Variants in AKR7A3 observed in about 807,000 individuals in gnomAD.
AKR7A3 encodes the protein AFB1 aldehyde reductase 2.
In AKR7A3, 37 loss-of-function variants were observed where a neutral mutation model predicts 32.5. The observed-to-expected ratio is 1.14, with a 90% CI of 0.88 to 1.50. AKR7A3 has a LOEUF of 1.50. Among genes scored for constraint, AKR7A3 ranks in the 40% most tolerant of loss-of-function variants. AKR7A3 has a pLI of 0.00. For missense variants in AKR7A3, 412 were observed against 453.2 expected (o/e 0.91, Z 0.83); for synonymous variants, 177 against 188.4 (o/e 0.94, Z 0.50).
the AKR7A3 span, among the ~76,000 whole-genome samples, chr1:19,274,908 A>AAAAAAAAAAAAAAAAAAAC: frequency 6.8e-6 from 1 of 147,862 alleles, no homozygotes; most frequent in Non-Finnish European, 1.5e-5. Flanking sequence ...ACAAAAAAAA[A>AAAAAAAAAAAAAAAAAAAC]AAAAAAAGAC....
downstream of AKR7A3, among the ~76,000 whole-genome samples, chr1:19,280,444 T>A (rs1280939658): frequency 1.3e-5 from 2 of 151,900 alleles, no homozygotes; most frequent in African/African-American, 4.9e-5. Context: ...ACTTTTAGCC[T>A]ATACATTTAG....
chr1:19,274,899 CAAAA>C, the AKR7A3 span, among the ~76,000 whole-genome samples: 5 of 44,314 alleles, frequency 1.1e-4, no homozygotes, highest in African/African-American at 4.3e-4. Context: ...TCTCTAAATA[CAAAA>C]AAAAAAAAAA....
Position 19,285,113 on chromosome 1 carries a change from C to A in AKR7A3, c.509G>T (p.Gly170Val). The A allele has an allele frequency of 1.2e-6, 2 of 1,613,408 alleles. No individual in the cohort carries two copies. The highest frequency in any genetic ancestry group is 1.7e-6 in the Non-Finnish European group (2 of 1,179,824). ...CTGCCGGGTGATGGCATTGTACATG[C>A]CCTGTAAGGAGAGGGGCCCCGGGGG... is the stretch of plus-strand genomic sequence containing the variant. The part of the protein sequence containing the change: ...NGWILPTVYQ[G>V]MYNAITRQVE... Residue 170 changes from glycine to valine, a missense_variant and splice_region_variant, in exon 4 of 7, where the codon GGC becomes GTC. Coordinates refer to ENST00000361640, the MANE Select transcript of AKR7A3 (RefSeq NM_012067.3).
At chr1:19,274,242 A>G in the AKR7A3 span, 2 of 1,319,782 alleles carry the variant, frequency 1.5e-6, no homozygotes, top group Admixed American at 7.4e-5. Flanking sequence ...CACGCGCTGG[A>G]CTCCGCTCTC....
chr1:19,284,786 CT>C lies in AKR7A3; in HGVS notation c.605-2del. On this transcript the variant is annotated splice_acceptor_variant, in intron 4 of 6. Coordinates refer to ENST00000361640, the MANE Select transcript of AKR7A3 (RefSeq NM_012067.3). LOFTEE classifies it high-confidence loss of function. Reference sequence around the variant, plus strand: ...TTGTACTTGCCGGTCAGCAGGCCCCCTGAGGGAAAGCAGCAATCAGCCCCGG... The same window carrying C: ...TTGTACTTGCCGGTCAGCAGGCCCCCGAGGGAAAGCAGCAATCAGCCCCGG... The C allele has an allele frequency of 6.2e-7, 1 of 1,613,882 alleles. No homozygotes were observed. Among genetic ancestry groups the C allele is most frequent in the East Asian group, 2.2e-5 (1 of 44,882 alleles).
chr1:19,280,170 AT>A (rs1376676050), downstream of AKR7A3, among the ~76,000 whole-genome samples: 2 of 151,702 alleles, frequency 1.3e-5, no homozygotes, highest in Non-Finnish European at 2.9e-5. Flanking sequence ...GTCCAATTTA[AT>A]TTTTCTTTTG....
downstream of AKR7A3, among the ~76,000 whole-genome samples, chr1:19,279,843 C>T (rs75636610): frequency 3.7e-3 from 569 of 151,904 alleles, 18 homozygotes; most frequent in African/African-American, 0.013. Flanking sequence ...ACCCGCAGGC[C>T]GCATGCAGCC....
the AKR7A3 span, among the ~76,000 whole-genome samples, chr1:19,274,973 C>T: frequency 0.029 from 4,103 of 141,718 alleles, 75 homozygotes; most frequent in South Asian, 0.054. Flanking sequence ...TTAAACCCAA[C>T]CATATCAATA....
chr1:19,284,368 C>T lies in AKR7A3; in HGVS notation c.705-243G>A, dbSNP rs544271165. On this transcript the variant is annotated intron_variant, in intron 5 of 6. Transcript: ENST00000361640. ...AGCCTGCTCTTATTTTCCTTAGGGACACAAAGGCCGCTAAGATGGGTCAGG... is the reference window on the plus strand; with the variant it reads ...AGCCTGCTCTTATTTTCCTTAGGGATACAAAGGCCGCTAAGATGGGTCAGG... Among the ~76,000 whole-genome samples, 157 of 152,054 alleles carry T rather than the reference C, an allele frequency of 1.0e-3. 1 individual carries two copies. Among genetic ancestry groups the T allele is most frequent in the Non-Finnish European group, 1.8e-3 (120 of 68,026 alleles).
the AKR7A3 span, among the ~76,000 whole-genome samples, chr1:19,275,958 T>C: frequency 2.0e-5 from 3 of 151,902 alleles, no homozygotes; most frequent in South Asian, 6.2e-4. Flanking sequence ...TAATAGAACT[T>C]AAGAAGAAAT....
At chr1:19,283,943 AT>A in intron 6 of AKR7A3, 52 bp downstream of exon 6, 1 of 1,610,252 alleles carries the variant, frequency 6.2e-7, no homozygotes, top group Non-Finnish European at 8.5e-7. Flanking sequence ...ATCTAAAGAT[AT>A]TGCTGGTTCC....
chr1:19,280,809 A>T, downstream of AKR7A3, among the ~76,000 whole-genome samples: 1 of 151,680 alleles, frequency 6.6e-6, no homozygotes, highest in East Asian at 1.9e-4. Context: ...TGACCTCATG[A>T]TCCGCCTGCC....
At chr1:19,284,170 A>T in intron 5 of AKR7A3, 45 bp from the exon 6 acceptor site, 1 of 1,575,088 alleles carries the variant, frequency 6.3e-7, no homozygotes, top group Non-Finnish European at 8.6e-7. Context: ...CCACATTGGG[A>T]GCCACAACCA....
At position 19,285,774 on chromosome 1, in the gene AKR7A3, T is replaced by G. The variant is rs539030661; in HGVS notation, c.507+114A>C. On this transcript the variant is annotated intron_variant, in intron 3 of 6. Coordinates refer to ENST00000361640, the MANE Select transcript of AKR7A3 (RefSeq NM_012067.3). ...GTACCTGGGAGCCATCTGCAGGCTT[T>G]CAGCAGGGGAGTGGCTGCTATGCAG... 4.5e-6 allele frequency: 6 copies of G among 1,345,824 alleles called. No individual in the cohort carries two copies. In the East Asian group the frequency reaches 7.0e-5, roughly 16 times the overall value. 83.4% of individuals were successfully genotyped at this position (1,345,824 alleles called of 1,614,324 possible).
Position 19,287,115 on chromosome 1 carries a change from T to C in AKR7A3, c.215-743A>G, listed in dbSNP as rs115841842. Among the ~76,000 whole-genome samples, 724 of 151,886 alleles carry C rather than the reference T, an allele frequency of 4.8e-3. 25 individuals carry two copies. Among genetic ancestry groups the C allele is most frequent in the African/African-American group, 0.017 (691 of 41,194 alleles). On this transcript the variant is annotated intron_variant, in intron 1 of 6. Coordinates refer to ENST00000361640, the MANE Select transcript of AKR7A3 (RefSeq NM_012067.3). ...TGAGCTCAGGGGTTTAAGACCAGCC[T>C]GGGCAACAAAGTGAGACTCCAGTTT...
Position 19,282,705 on chromosome 1 carries a change from C to G in AKR7A3, c.*26G>C. On this transcript the variant is annotated 3_prime_UTR_variant, in exon 7 of 7. Coordinates refer to ENST00000361640, the MANE Select transcript of AKR7A3 (RefSeq NM_012067.3). ...GTAACAAAAGATGTTACAGAAGAGC[C>G]TTGGGCAGCCTGAGAAACGATGGGC... is the stretch of plus-strand genomic sequence containing the variant. 1 of 1,613,788 alleles carries G rather than the reference C, an allele frequency of 6.2e-7. No homozygotes were observed.
downstream of AKR7A3, among the ~76,000 whole-genome samples, chr1:19,281,112 C>A (rs1424712696): frequency 6.6e-6 from 1 of 151,314 alleles, no homozygotes; most frequent in Non-Finnish European, 1.5e-5. Flanking sequence ...CTGATCTCGG[C>A]TCACTGCAAC....
chr1:19,284,151 G>A (rs765347218), intron 5 of AKR7A3, 26 bp from the exon 6 acceptor site: 67 of 1,596,222 alleles, frequency 4.2e-5, no homozygotes, highest in Non-Finnish European at 5.3e-5. Flanking sequence ...GGTGGCACAG[G>A]TGTCAGGGCC....
At chr1:19,284,348 G>A (rs2093724835) in intron 5 of AKR7A3, among the ~76,000 whole-genome samples, 1 of 151,922 alleles carries the variant, frequency 6.6e-6, no homozygotes, top group African/African-American at 2.4e-5. Context: ...TCATCAGCCT[G>A]CTCTTATTTT....
Sources: allele counts gnomAD v4.1 joint callset (sites outside exome capture counted in the v4.1 genomes callset), GRCh38; gene constraint gnomAD v4.1.1; transcripts MANE v1.5; gene names NCBI Gene and HGNC (gene_info 2026-07-23, HGNC 2026-07-21).